Variants in FAM185A observed in about 807,000 individuals in gnomAD.
The protein encoded by FAM185A is family with sequence similarity 185 member A, also known as protein FAM185A.
FAM185A carries 21 observed loss-of-function variants against 45.7 expected under a neutral mutation model. The ratio of observed to expected loss-of-function variants is 0.46; its 90% confidence interval spans 0.33 to 0.66. The LOEUF (loss-of-function observed/expected upper bound fraction) is 0.66. Among genes scored for constraint, FAM185A ranks in the 30% least tolerant of loss-of-function variants. The pLI is 0.03. For missense variants in FAM185A, 305 were observed against 485.4 expected (o/e 0.63, Z 3.49); for synonymous variants, 117 against 194.0 (o/e 0.60, Z 3.30).
At chr7:102,816,538 G>C in the FAM185A span, among the ~76,000 whole-genome samples, 26 of 152,248 alleles carry the variant, frequency 1.7e-4, no homozygotes, top group East Asian at 4.8e-3. Flanking sequence ...AGAAGAGATC[G>C]GCAAGTGGCT....
rs1429662540 is a variant in FAM185A, at chr7:102,809,081, G to C, written c.*679G>C. On this transcript the variant is annotated 3_prime_UTR_variant, in exon 8 of 8. Transcript: ENST00000413034. ...TTTTCACTCCCACTCAAGGAAAGGA[G>C]ATTATACAAAGGCATCCATCATGTG... 5 of 152,230 alleles carry C rather than the reference G, an allele frequency of 3.3e-5. No homozygotes were observed. The highest frequency in any genetic ancestry group is 7.2e-5 in the African/African-American group (3 of 41,458). 9.4% of individuals were successfully genotyped at this position (152,230 alleles called of 1,614,324 possible). A position where few individuals can be genotyped will look rare whatever the true frequency, so the allele number is the denominator to read the frequency against.
chr7:102,833,302 A>C, the FAM185A span, among the ~76,000 whole-genome samples: 5 of 152,102 alleles, frequency 3.3e-5, no homozygotes, highest in Admixed American at 3.3e-4. Context: ...TATGGCAGAC[A>C]CTCCAAGATT....
At chr7:102,785,711 T>C (rs1296223899) in intron 6 of FAM185A, among the ~76,000 whole-genome samples, 1 of 152,044 alleles carries the variant, frequency 6.6e-6, no homozygotes, top group Admixed American at 6.5e-5. Context: ...ACGTTAGACC[T>C]AAAACCATAA....
At chr7:102,818,583 A>G in the FAM185A span, among the ~76,000 whole-genome samples, 2 of 152,258 alleles carry the variant, frequency 1.3e-5, no homozygotes, top group South Asian at 4.1e-4. Context: ...TTTTTTATCA[A>G]CACAGATCTC....
the FAM185A span, among the ~76,000 whole-genome samples, chr7:102,821,550 A>T: frequency 2.0e-5 from 3 of 152,148 alleles, no homozygotes; most frequent in Non-Finnish European, 2.9e-5. Flanking sequence ...CATAGTATTA[A>T]TTTTTCACAT....
chr7:102,831,187 A>G, the FAM185A span, among the ~76,000 whole-genome samples: 1 of 152,176 alleles, frequency 6.6e-6, no homozygotes, highest in Non-Finnish European at 1.5e-5. Context: ...AAGTGCTTGA[A>G]TATCTCTGCA....
At chr7:102,799,126 G>A (rs1300982242) in intron 7 of FAM185A, among the ~76,000 whole-genome samples, 3 of 152,140 alleles carry the variant, frequency 2.0e-5, no homozygotes, top group African/African-American at 7.2e-5. Context: ...GCAAAATCAC[G>A]ACCTACCAAA....
Position 102,749,537 on chromosome 7 carries a change from C to T in FAM185A, c.330C>T (p.Gly110=). 1.3e-6 allele frequency: 2 copies of T among 1,519,570 alleles called. No homozygotes were observed. The highest frequency in any genetic ancestry group is 8.8e-7 in the Non-Finnish European group (1 of 1,133,420). The allele number at this position is 1,519,570 out of a possible 1,614,324, so 94.1% of individuals were successfully genotyped here. ...RVLVAVCGVE[G]GVRGLDGLQV... The stretch of plus-strand genomic sequence containing the variant: ...TGGTCGCGGTGTGCGGCGTGGAGGG[C>T]GGCGTGCGGGGCCTGGACGGCCTGC... The change falls in exon 1 of 8, where the codon GGC becomes GGT. Residue 110 remains glycine (G), a synonymous_variant. Coordinates refer to ENST00000413034, the MANE Select transcript of FAM185A (RefSeq NM_001145268.2).
chr7:102,845,889 C>T, the FAM185A span, among the ~76,000 whole-genome samples: 2 of 152,212 alleles, frequency 1.3e-5, no homozygotes, highest in African/African-American at 4.8e-5. Flanking sequence ...CTCCCATAGC[C>T]TCCTACATAC....
At chr7:102,787,633 G>A (rs1339972513) in intron 7 of FAM185A, among the ~76,000 whole-genome samples, 164 bp downstream of exon 7, 1 of 152,006 alleles carries the variant, frequency 6.6e-6, no homozygotes, top group Non-Finnish European at 1.5e-5. Context: ...TTAATATGAT[G>A]CAGACATTTT....
At chr7:102,819,903 T>G in the FAM185A span, among the ~76,000 whole-genome samples, 2 of 152,194 alleles carry the variant, frequency 1.3e-5, no homozygotes, top group Admixed American at 1.3e-4. Flanking sequence ...AGCTGCTCCA[T>G]AGAGCACCCG....
the FAM185A span, among the ~76,000 whole-genome samples, chr7:102,841,740 T>C: frequency 1.3e-5 from 2 of 152,234 alleles, no homozygotes; most frequent in Non-Finnish European, 2.9e-5. Flanking sequence ...GAAAGAATAA[T>C]GCCTGGGTAT....
chr7:102,776,099 T>TACACACACACACACACACACATAC (rs1360377462), intron 5 of FAM185A, among the ~76,000 whole-genome samples: 1 of 106,700 alleles, frequency 9.4e-6, no homozygotes, highest in African/African-American at 5.2e-5. Flanking sequence ...TTGGCTCCTA[T>TACACACACACACACACACACATAC]ACACACACAC....
the FAM185A span, among the ~76,000 whole-genome samples, chr7:102,839,385 G>A: frequency 1.3e-5 from 2 of 152,186 alleles, no homozygotes; most frequent in Non-Finnish European, 1.5e-5. Flanking sequence ...TATGCTGAGC[G>A]CCAGTCCCCT....
At chr7:102,822,027 G>A in the FAM185A span, 3 of 1,613,868 alleles carry the variant, frequency 1.9e-6, no homozygotes, top group East Asian at 6.7e-5. Flanking sequence ...GTCATAGTCA[G>A]GTACATACTT....
At chr7:102,834,120 AAGAAAGAAAGAAAG>A in the FAM185A span, among the ~76,000 whole-genome samples, 1 of 114,422 alleles carries the variant, frequency 8.7e-6, no homozygotes, top group Non-Finnish European at 1.7e-5. Context: ...GAAAGAAAGA[AAGAAAGAAAGAAAG>A]AAAGAAAAGA....
intron 4 of FAM185A, among the ~76,000 whole-genome samples, chr7:102,769,577 C>T (rs1408905693): frequency 4.6e-5 from 7 of 151,342 alleles, no homozygotes; most frequent in Admixed American, 1.3e-4. Flanking sequence ...AATAAAGTTA[C>T]GAATATCAGG....
the FAM185A span, among the ~76,000 whole-genome samples, chr7:102,846,298 A>G: frequency 1.4e-4 from 21 of 152,348 alleles, no homozygotes; most frequent in African/African-American, 5.0e-4. Context: ...TCAATCACTG[A>G]GCAAGATGGT....
the FAM185A span, among the ~76,000 whole-genome samples, chr7:102,835,098 C>T: frequency 6.6e-6 from 1 of 152,148 alleles, no homozygotes; most frequent in Admixed American, 6.5e-5. Flanking sequence ...GGTTATTTAA[C>T]CCTAAGTCAT....
Sources: gnomAD v4.1 joint callset for allele counts (sites outside exome capture counted in the v4.1 genomes callset) on GRCh38, gnomAD v4.1.1 for gene constraint, MANE v1.5 for transcripts, NCBI Gene and HGNC (gene_info 2026-07-23, HGNC 2026-07-21) for gene names.